Variants in OPCML observed in about 807,000 individuals in gnomAD.
OPCML encodes opioid-binding protein/cell adhesion molecule.
In OPCML, 13 loss-of-function variants were observed where a neutral mutation model predicts 37.8. That is an observed-to-expected ratio of 0.34 (90% confidence interval 0.22 to 0.55). The LOEUF (loss-of-function observed/expected upper bound fraction) is 0.55. Among genes scored for constraint, OPCML ranks in the 20% least tolerant of loss-of-function variants. The probability of loss-of-function intolerance (pLI) is 0.91; values close to 1 mark genes in which losing one functional copy is unlikely to be tolerated. For synonymous variants in OPCML, 176 were observed against 168.8 expected (o/e 1.04, Z -0.33); for missense variants, 341 against 435.6 (o/e 0.78, Z 1.93).
chr11:132,747,997 T>C (rs1945694852), intron 2 of OPCML, among the ~76,000 whole-genome samples: 1 of 152,038 alleles, frequency 6.6e-6, no homozygotes, highest in African/African-American at 2.4e-5. Context: ...CAAATCCTGA[T>C]CTTACTCCAA....
intron 1 of OPCML, among the ~76,000 whole-genome samples, chr11:133,161,309 T>G (rs1328925873): frequency 6.6e-6 from 1 of 152,148 alleles, no homozygotes; most frequent in East Asian, 1.9e-4. Context: ...GGCATGAGTG[T>G]TATTGGAATT....
At chr11:133,361,562 C>T in intron 1 of OPCML, 1 of 161,208 alleles carries the variant, frequency 6.2e-6, no homozygotes, top group South Asian at 1.3e-4. Context: ...GGGGCACCTG[C>T]AGCTACTCCG....
chr11:132,702,527 G>A (rs1164688177), intron 2 of OPCML, among the ~76,000 whole-genome samples: 1 of 152,106 alleles, frequency 6.6e-6, no homozygotes, highest in Non-Finnish European at 1.5e-5. Flanking sequence ...TGATTATAAT[G>A]TGTCAAAGTG....
chr11:132,502,881 C>G (rs1189491052), intron 4 of OPCML, among the ~76,000 whole-genome samples: 2 of 152,168 alleles, frequency 1.3e-5, no homozygotes, highest in Non-Finnish European at 2.9e-5. Flanking sequence ...TGATAACACA[C>G]ATACTTTTAA....
chr11:133,455,182 A>G (rs1279111264), intron 1 of OPCML, among the ~76,000 whole-genome samples: 3 of 152,204 alleles, frequency 2.0e-5, no homozygotes, highest in African/African-American at 7.2e-5. Flanking sequence ...CTGATTTTTC[A>G]TAGATTTAAA....
intron 4 of OPCML, among the ~76,000 whole-genome samples, chr11:132,441,511 C>G (rs1304420126): frequency 6.6e-6 from 1 of 152,168 alleles, no homozygotes; most frequent in African/African-American, 2.4e-5. Flanking sequence ...GCAATATTTT[C>G]CTTGTCAAAC....
At chr11:132,481,263 G>A (rs1453490373) in intron 4 of OPCML, among the ~76,000 whole-genome samples, 1 of 152,118 alleles carries the variant, frequency 6.6e-6, no homozygotes, top group Non-Finnish European at 1.5e-5. Flanking sequence ...GGCAGGGGTT[G>A]CAATCCTAGT....
chr11:132,773,218 G>A (rs538776437), intron 2 of OPCML: 7 of 152,094 alleles, frequency 4.6e-5, no homozygotes, highest in Admixed American at 6.6e-5. Flanking sequence ...AGATAGACCC[G>A]AAAGAAAACA....
intron 1 of OPCML, among the ~76,000 whole-genome samples, chr11:133,054,456 G>T (rs890980817): frequency 3.3e-5 from 5 of 152,156 alleles, no homozygotes; most frequent in African/African-American, 1.2e-4. Flanking sequence ...CTGGAACCAG[G>T]CTCAGAGCTT....
intron 1 of OPCML, among the ~76,000 whole-genome samples, chr11:133,269,716 C>T (rs906112638): frequency 1.3e-5 from 2 of 152,132 alleles, no homozygotes; most frequent in Admixed American, 6.5e-5. Flanking sequence ...TGGACAATAT[C>T]GTTAACATGC....
chr11:132,959,537 G>C (rs74739178), intron 1 of OPCML, among the ~76,000 whole-genome samples: 1 of 152,126 alleles, frequency 6.6e-6, no homozygotes, highest in Non-Finnish European at 1.5e-5. Flanking sequence ...GCAATCTTTC[G>C]GGAAGGGAAG....
intron 1 of OPCML, among the ~76,000 whole-genome samples, chr11:133,425,354 A>G (rs1945980530): frequency 2.0e-5 from 3 of 152,138 alleles, no homozygotes; most frequent in African/African-American, 7.2e-5. Flanking sequence ...TTGACCCACA[A>G]GCTATTTTGT....
intron 4 of OPCML, among the ~76,000 whole-genome samples, chr11:132,494,715 C>T (rs2137086603): frequency 6.6e-6 from 1 of 152,248 alleles, no homozygotes; most frequent in South Asian, 2.1e-4. Flanking sequence ...AAGAGGGTGC[C>T]AAACAAATGG....
intron 1 of OPCML, among the ~76,000 whole-genome samples, chr11:133,030,589 A>G (rs1407154105): frequency 6.6e-6 from 1 of 152,218 alleles, no homozygotes; most frequent in Non-Finnish European, 1.5e-5. Context: ...GCAAGATATT[A>G]TTAATATTCA....
chr11:133,433,924 C>T (rs7116055), intron 1 of OPCML, among the ~76,000 whole-genome samples: 53,445 of 152,042 alleles, frequency 0.35, 13,652 homozygotes, highest in African/African-American at 0.72. Context: ...AGGGCAGAAC[C>T]GGCTTCACCA....
chr11:133,250,563 G>A (rs930628537), intron 1 of OPCML, among the ~76,000 whole-genome samples: 2 of 146,098 alleles, frequency 1.4e-5, no homozygotes, highest in Non-Finnish European at 1.5e-5. Flanking sequence ...GAAGGAGGGA[G>A]GGAAGGAAGG....
At chr11:132,738,447 T>A (rs1945328978) in intron 2 of OPCML, among the ~76,000 whole-genome samples, 1 of 152,244 alleles carries the variant, frequency 6.6e-6, no homozygotes, top group African/African-American at 2.4e-5. Flanking sequence ...GTAAACTTGC[T>A]ATTTTATTTT....
chr11:132,550,491 G>T (rs2096379048), intron 3 of OPCML, among the ~76,000 whole-genome samples: 1 of 152,140 alleles, frequency 6.6e-6, no homozygotes. Context: ...ATGAGTAAAA[G>T]CTCTCTGAGG....
rs150267243 is a variant in OPCML at position 133,106,846 on chromosome 11, G to T, written c.62-163836C>A. ...TATCAGATCTGCTGTCATTCCCCTC[G>T]CCTTGTACCATGCCTCTCTTGGCCT... On this transcript the variant is annotated intron_variant, in intron 1 of 7. Coordinates refer to ENST00000524381, the MANE Select transcript of OPCML (RefSeq NM_001012393.5). Among the ~76,000 whole-genome samples, 191 of 152,200 alleles carry T rather than the reference G, an allele frequency of 1.3e-3. 1 individual carries two copies. Among genetic ancestry groups the T allele is most frequent in the African/African-American group, 3.9e-3 (163 of 41,528 alleles).
Sources: gnomAD v4.1 joint callset for allele counts (sites outside exome capture counted in the v4.1 genomes callset) on GRCh38, gnomAD v4.1.1 for gene constraint, MANE v1.5 for transcripts, NCBI Gene and HGNC (gene_info 2026-07-23, HGNC 2026-07-21) for gene names.